Variants in MSRA observed in about 807,000 individuals in gnomAD.
MSRA encodes the protein mitochondrial peptide methionine sulfoxide reductase.
A neutral mutation model predicts 31.3 loss-of-function variants in MSRA; 54 were observed. That is an observed-to-expected ratio of 1.73 (90% confidence interval 1.39 to 2.17). The LOEUF is 2.17. MSRA is among the 30% of genes most tolerant of loss of function. MSRA has a pLI of 0.00. For synonymous variants in MSRA, 169 were observed against 116.5 expected, an observed-to-expected ratio of 1.45 and a Z score of -2.90; for missense variants, 507 against 300.9, an observed-to-expected ratio of 1.69 and a Z score of -5.07.
intron 2 of MSRA, among the ~76,000 whole-genome samples, chr8:10,231,807 G>T (rs1018339087): frequency 6.6e-6 from 1 of 152,172 alleles, no homozygotes; most frequent in Non-Finnish European, 1.5e-5. Context: ...GGAGGCTGAG[G>T]CAGGAGAATT....
chr8:10,407,897 A>C (rs150045741), intron 5 of MSRA, among the ~76,000 whole-genome samples: 5 of 152,306 alleles, frequency 3.3e-5, no homozygotes, highest in African/African-American at 9.6e-5. Context: ...AATTCTGAGA[A>C]TTTCATTAAG....
intron 5 of MSRA, among the ~76,000 whole-genome samples, chr8:10,416,719 C>G (rs539926531): frequency 2.0e-5 from 3 of 152,358 alleles, no homozygotes; most frequent in Non-Finnish European, 2.9e-5. Flanking sequence ...TGCTTACACT[C>G]TAACCTCACA....
intron 1 of MSRA, among the ~76,000 whole-genome samples, chr8:10,062,159 C>T (rs28463443): frequency 1.5e-3 from 228 of 152,322 alleles, no homozygotes; most frequent in African/African-American, 5.4e-3. Flanking sequence ...GGTCTGGCTC[C>T]TGCATGGGTC....
At chr8:10,140,251 A>T (rs1195417364) in intron 1 of MSRA, among the ~76,000 whole-genome samples, 3 of 152,126 alleles carry the variant, frequency 2.0e-5, no homozygotes, top group South Asian at 4.1e-4. Context: ...TCCTTCCTCC[A>T]GTTACAGGGA....
At chr8:10,158,383 C>G (rs1181568358) in intron 1 of MSRA, among the ~76,000 whole-genome samples, 1 of 152,188 alleles carries the variant, frequency 6.6e-6, no homozygotes, top group East Asian at 1.9e-4. Flanking sequence ...CACTTCTTCC[C>G]AACACTCCCC....
chr8:10,183,424 C>G (rs1448093919), intron 1 of MSRA, among the ~76,000 whole-genome samples: 2 of 152,088 alleles, frequency 1.3e-5, no homozygotes, highest in South Asian at 4.1e-4. Context: ...CCACCTGGGA[C>G]CTACTATTAA....
At chr8:10,386,106 G>T (rs913381733) in intron 5 of MSRA, among the ~76,000 whole-genome samples, 1 of 152,186 alleles carries the variant, frequency 6.6e-6, no homozygotes, top group Non-Finnish European at 1.5e-5. Flanking sequence ...GTGCCTGTGT[G>T]CCATTGCCTG....
At chr8:10,174,754 A>G (rs1381592682) in intron 1 of MSRA, among the ~76,000 whole-genome samples, 1 of 152,096 alleles carries the variant, frequency 6.6e-6, no homozygotes, top group Non-Finnish European at 1.5e-5. Context: ...AGCGTGCTGC[A>G]CTCAGACATC....
chr8:10,417,419 G>GACACACACACAC (rs1184991397), intron 5 of MSRA, among the ~76,000 whole-genome samples: 28,566 of 145,166 alleles, frequency 0.2, 3,411 homozygotes, highest in Non-Finnish European at 0.27. Context: ...TTCGTCAGAA[G>GACACACACACAC]ACACACACAC....
intron 1 of MSRA, among the ~76,000 whole-genome samples, chr8:10,129,280 C>G (rs763017314): frequency 1.3e-5 from 2 of 152,114 alleles, no homozygotes; most frequent in Non-Finnish European, 1.5e-5. Flanking sequence ...ATCGTAAAGG[C>G]AAGGATGTAA....
intron 1 of MSRA, among the ~76,000 whole-genome samples, chr8:10,155,917 G>T (rs186677531): frequency 5.3e-4 from 80 of 152,280 alleles, no homozygotes; most frequent in African/African-American, 1.8e-3. Context: ...CAGGATGGAT[G>T]TGAAAACTAT....
At chr8:10,304,250 A>G (rs1801005661) in intron 4 of MSRA, among the ~76,000 whole-genome samples, 1 of 152,218 alleles carries the variant, frequency 6.6e-6, no homozygotes, top group African/African-American at 2.4e-5. Context: ...AGGTGTACTA[A>G]ATCACTAAGG....
chr8:10,090,050 C>G (rs920677453), intron 1 of MSRA, among the ~76,000 whole-genome samples: 3 of 152,154 alleles, frequency 2.0e-5, no homozygotes, highest in Non-Finnish European at 4.4e-5. Context: ...GGGGATGAGT[C>G]AGATCTTGGG....
intron 5 of MSRA, among the ~76,000 whole-genome samples, chr8:10,393,124 G>C (rs1182845137): frequency 6.9e-6 from 1 of 145,082 alleles, no homozygotes; most frequent in Non-Finnish European, 1.5e-5. Context: ...TGCGAGAAAA[G>C]AACCACTTTG....
chr8:10,278,088 C>T (rs1585344398), intron 3 of MSRA, among the ~76,000 whole-genome samples: 1 of 152,060 alleles, frequency 6.6e-6, no homozygotes, highest in African/African-American at 2.4e-5. Flanking sequence ...TTTATTATCA[C>T]TTGAGGCATT....
intron 1 of MSRA, among the ~76,000 whole-genome samples, chr8:10,133,379 G>A (rs1802039073): frequency 6.6e-6 from 1 of 152,192 alleles, no homozygotes; most frequent in Non-Finnish European, 1.5e-5. Context: ...CGTCAGGAAG[G>A]TTGTTGGTTC....
intron 1 of MSRA, among the ~76,000 whole-genome samples, chr8:10,118,511 A>G (rs936749): frequency 0.24 from 36,083 of 151,744 alleles, 4,533 homozygotes; most frequent in East Asian, 0.4. Context: ...GGGGCTCTCT[A>G]TTTCCCCCAC....
intron 3 of MSRA, among the ~76,000 whole-genome samples, chr8:10,275,932 C>G (rs543844711): frequency 6.6e-6 from 1 of 152,324 alleles, no homozygotes; most frequent in South Asian, 2.1e-4. Flanking sequence ...CATAGAAAAT[C>G]ATTAATTGCT....
intron 5 of MSRA, among the ~76,000 whole-genome samples, chr8:10,387,023 C>G (rs1806437221): frequency 6.6e-6 from 1 of 152,144 alleles, no homozygotes; most frequent in African/African-American, 2.4e-5. Flanking sequence ...AGTACAGATT[C>G]CAACTCAGCA....
Sources: gnomAD v4.1 joint callset for allele counts (sites outside exome capture counted in the v4.1 genomes callset) on GRCh38, gnomAD v4.1.1 for gene constraint, MANE v1.5 for transcripts, NCBI Gene and HGNC (gene_info 2026-07-23, HGNC 2026-07-21) for gene names.